The following ARRB1 variants were observed in gnomAD, a reference collection of about 807,000 sequenced individuals.
ARRB1 encodes arrestin beta 1, also known as beta-arrestin-1.
Under a neutral mutation model 56.8 loss-of-function variants are expected in ARRB1, and 21 were observed. The observed-to-expected ratio is 0.37, with a 90% CI of 0.26 to 0.53. The LOEUF (loss-of-function observed/expected upper bound fraction) is 0.53. Ranked by LOEUF, ARRB1 falls within the 20% of genes least tolerant of loss-of-function variation. The pLI is 0.88. For missense variants in ARRB1, 424 were observed against 553.7 expected (o/e 0.77, Z 2.35); for synonymous variants, 210 against 218.6 (o/e 0.96, Z 0.35).
chr11:75,326,553 G>A (rs1455040270), intron 1 of ARRB1, among the ~76,000 whole-genome samples: 2 of 152,074 alleles, frequency 1.3e-5, no homozygotes, highest in South Asian at 4.2e-4. Flanking sequence ...CTTGGGCAGT[G>A]TGGGAAGTCT....
chr11:75,311,729 G>A lies in ARRB1; in HGVS notation c.21-21690C>T, dbSNP rs569480512. Among the ~76,000 whole-genome samples the A allele has an allele frequency of 3.5e-4, 53 of 152,300 alleles. No individual in the cohort carries two copies. The South Asian group carries it at 0.01, about 30-fold the overall frequency. ...ATGGTGAGCCCCAGGGCAAACAAACGGTGACTGATTTCTGAGTAGAGGGAA... is the reference window on the plus strand; with the variant it reads ...ATGGTGAGCCCCAGGGCAAACAAACAGTGACTGATTTCTGAGTAGAGGGAA... On this transcript the variant is annotated intron_variant, in intron 1 of 15. Transcript: ENST00000420843.
intron 1 of ARRB1, among the ~76,000 whole-genome samples, chr11:75,326,017 C>A (rs528166257): frequency 1.3e-5 from 2 of 152,312 alleles, no homozygotes; most frequent in South Asian, 4.1e-4. Context: ...GAAACTAAGG[C>A]CTAGGATCTT....
intron 1 of ARRB1, among the ~76,000 whole-genome samples, chr11:75,332,505 G>A (rs376759832): frequency 5.3e-5 from 8 of 152,232 alleles, no homozygotes; most frequent in African/African-American, 1.4e-4. Flanking sequence ...AAGAACTTTC[G>A]TCTCCACAAT....
chr11:75,305,958 T>A (rs764061579), intron 1 of ARRB1, among the ~76,000 whole-genome samples: 1 of 152,152 alleles, frequency 6.6e-6, no homozygotes, highest in Non-Finnish European at 1.5e-5. Context: ...ACAACCTGAC[T>A]GACCAAATTC....
rs143300761 is a variant in ARRB1 at position 75,262,649 on chromosome 11, A to G, written c.*3514T>C. 2.3e-4 allele frequency among the ~76,000 whole-genome samples: 35 copies of G among 152,308 alleles called. No individual in the cohort carries two copies. Among genetic ancestry groups the G allele is most frequent in the African/African-American group, 8.4e-4 (35 of 41,562 alleles). ...TTCATCTCATCTGGGCCTCATAACA[A>G]TTCCTGCGTCAGGCAGGGAAGGGAT... On this transcript the variant is annotated 3_prime_UTR_variant, in exon 16 of 16. Transcript: ENST00000420843.
At chr11:75,303,542 C>T in intron 1 of ARRB1, 1 of 455,594 alleles carries the variant, frequency 2.2e-6, no homozygotes, top group Non-Finnish European at 4.4e-6. Context: ...TTCTTATTTC[C>T]CTCCTTTCTT....
intron 1 of ARRB1, among the ~76,000 whole-genome samples, chr11:75,304,360 T>A (rs1946972699): frequency 6.6e-6 from 1 of 152,144 alleles, no homozygotes; most frequent in South Asian, 2.1e-4. Context: ...GAGAGGGTTC[T>A]CTGTGGTCAG....
chr11:75,289,869 C>T, intron 2 of ARRB1, 140 bp downstream of exon 2: 7 of 1,233,560 alleles, frequency 5.7e-6, no homozygotes, highest in Admixed American at 2.0e-5. Flanking sequence ...AGCTGTGTCA[C>T]CCCTAAGACG....
intron 1 of ARRB1, among the ~76,000 whole-genome samples, chr11:75,318,874 T>C (rs1478795108): frequency 1.3e-5 from 2 of 151,870 alleles, no homozygotes; most frequent in Non-Finnish European, 2.9e-5. Flanking sequence ...CTTCAAACAA[T>C]AGTCAGGCCC....
chr11:75,278,678 T>C lies in ARRB1; in HGVS notation c.549A>G (p.Thr183=). 1 of 1,614,170 alleles carries C rather than the reference T, an allele frequency of 6.2e-7. No homozygotes were observed. Among genetic ancestry groups the C allele is most frequent in the South Asian group, 1.1e-5 (1 of 91,084 alleles). The stretch of plus-strand genomic sequence containing the variant: ...TGAGGAACTGCCTGGTGGTCTCGGC[T>C]GTGGGCTGGGGGCCAGGCCTCTCTG... ...YAPERPGPQP[T]AETTRQFLMS... is the part of the protein sequence containing the mutation. Residue 183 remains threonine (T), a synonymous_variant, in exon 8 of 16, where the codon ACA becomes ACG. Transcript: ENST00000420843.
Position 75,272,982 on chromosome 11 carries a change from C to G in ARRB1, c.915-4G>C. The G allele has an allele frequency of 6.2e-7, 1 of 1,613,786 alleles. No homozygotes were observed. The highest frequency in any genetic ancestry group is 8.5e-7 in the Non-Finnish European group (1 of 1,179,784). ...ACGGTTGGCACCTTCCCTCAACCTG[C>G]AAAGTGACACAGGGGAGCCAGTTCA... is the stretch of plus-strand genomic sequence containing the variant. On this transcript the variant is annotated splice_polypyrimidine_tract_variant and splice_region_variant and intron_variant, in intron 11 of 15. Coordinates refer to ENST00000420843, the MANE Select transcript of ARRB1 (RefSeq NM_004041.5).
In ARRB1 at chr11:75,343,264, G is replaced by A. The variant is rs538468060; in HGVS notation, c.20+8324C>T. Among the ~76,000 whole-genome samples, 207 of 152,302 alleles carry A rather than the reference G, an allele frequency of 1.4e-3. 1 individual carries two copies. Among genetic ancestry groups the A allele is most frequent in the African/African-American group, 4.9e-3 (203 of 41,566 alleles). On this transcript the variant is annotated intron_variant, in intron 1 of 15. Coordinates refer to ENST00000420843, the MANE Select transcript of ARRB1 (RefSeq NM_004041.5). Reference sequence around the variant, plus strand: ...CACAAAGCGCTGGGAATCCAGTGAGGGCTTCCCAGAGGAAGAGGTGTATGT... The same window carrying A: ...CACAAAGCGCTGGGAATCCAGTGAGAGCTTCCCAGAGGAAGAGGTGTATGT...
At chr11:75,305,888 A>G (rs751371235) in intron 1 of ARRB1, among the ~76,000 whole-genome samples, 1 of 152,206 alleles carries the variant, frequency 6.6e-6, no homozygotes, top group African/African-American at 2.4e-5. Context: ...TGCACCCCAC[A>G]GTAGCCCTTC....
chr11:75,292,926 G>A (rs959332044), intron 1 of ARRB1, among the ~76,000 whole-genome samples: 4 of 152,158 alleles, frequency 2.6e-5, no homozygotes, highest in African/African-American at 4.8e-5. Context: ...CCAGGGGCTC[G>A]GTCAGGATTC....
intron 1 of ARRB1, among the ~76,000 whole-genome samples, chr11:75,320,521 T>G (rs1433791938): frequency 6.6e-6 from 1 of 152,128 alleles, no homozygotes; most frequent in Admixed American, 6.5e-5. Context: ...GGGGGCTGGA[T>G]AGCCCCACCA....
intron 14 of ARRB1, among the ~76,000 whole-genome samples, chr11:75,268,665 T>C (rs529842972): frequency 2.0e-5 from 3 of 152,060 alleles, no homozygotes; most frequent in African/African-American, 7.2e-5. Flanking sequence ...GCCAATGAGT[T>C]CCCTTCTCCA....
chr11:75,281,436 G>C (rs1300983409), intron 6 of ARRB1, among the ~76,000 whole-genome samples: 1 of 152,188 alleles, frequency 6.6e-6, no homozygotes, highest in Non-Finnish European at 1.5e-5. Context: ...CCCAGAAATA[G>C]CAACAGGCAC....
chr11:75,263,048 C>T lies in ARRB1; in HGVS notation c.*3115G>A, dbSNP rs1945833805. Among the ~76,000 whole-genome samples the T allele has an allele frequency of 6.6e-6, 1 of 152,232 alleles. No homozygotes were observed. Among genetic ancestry groups the T allele is most frequent in the African/African-American group, 2.4e-5 (1 of 41,458 alleles). On this transcript the variant is annotated 3_prime_UTR_variant, in exon 16 of 16. Coordinates refer to ENST00000420843, the MANE Select transcript of ARRB1 (RefSeq NM_004041.5). The stretch of plus-strand genomic sequence containing the variant: ...TCCTGCCCGGACCGGTGTCCACACG[C>T]CACCCACAGGGCACACTGCAAAGTC...
chr11:75,272,145 T>C (rs1012597998), intron 12 of ARRB1, among the ~76,000 whole-genome samples: 1 of 152,352 alleles, frequency 6.6e-6, no homozygotes, highest in South Asian at 2.1e-4. Flanking sequence ...TGTCCTATTA[T>C]ATAAGGTCAG....
Sources: allele counts gnomAD v4.1 joint callset (sites outside exome capture counted in the v4.1 genomes callset), GRCh38; gene constraint gnomAD v4.1.1; transcripts MANE v1.5; gene names NCBI Gene and HGNC (gene_info 2026-07-23, HGNC 2026-07-21).